GRID2: variants seen among roughly 807,000 people sequenced by gnomAD.
GRID2 encodes glutamate receptor ionotropic, delta-2.
A neutral mutation model predicts 114.8 loss-of-function variants in GRID2; 33 were observed. The observed-to-expected ratio is 0.29, with a 90% CI of 0.22 to 0.38. The LOEUF (loss-of-function observed/expected upper bound fraction) is 0.38. Ranked by LOEUF, GRID2 falls within the 10% of genes least tolerant of loss-of-function variation. GRID2 has a pLI of 1.00. For synonymous variants in GRID2, 505 were observed against 449.9 expected, an observed-to-expected ratio of 1.12 and a Z score of -1.55; for missense variants, 1,184 against 1,257.7, an observed-to-expected ratio of 0.94 and a Z score of 0.89.
intron 1 of GRID2, among the ~76,000 whole-genome samples, chr4:92,442,256 A>G (rs1393189297): frequency 6.6e-6 from 1 of 151,914 alleles, no homozygotes; most frequent in Admixed American, 6.6e-5. Flanking sequence ...AAGATCTGGG[A>G]AGGAGTCAGA....
intron 14 of GRID2, among the ~76,000 whole-genome samples, chr4:93,710,411 T>G (rs753960289): frequency 9.2e-5 from 14 of 152,188 alleles, no homozygotes; most frequent in Admixed American, 1.3e-4. Flanking sequence ...GTTCTCTTCC[T>G]TTACTTTTCG....
At chr4:93,593,302 C>T (rs1432734266) in intron 13 of GRID2, among the ~76,000 whole-genome samples, 1 of 142,708 alleles carries the variant, frequency 7.0e-6, no homozygotes, top group Non-Finnish European at 1.5e-5. Context: ...TTTATTTCTC[C>T]TTCACTTATG....
At chr4:93,655,784 T>C (rs571424292) in intron 14 of GRID2, among the ~76,000 whole-genome samples, 1 of 152,218 alleles carries the variant, frequency 6.6e-6, no homozygotes, top group South Asian at 2.1e-4. Context: ...TTCTTACAAA[T>C]ATTAATGGCT....
chr4:93,203,089 A>T (rs1427277248), intron 4 of GRID2, among the ~76,000 whole-genome samples: 1 of 152,046 alleles, frequency 6.6e-6, no homozygotes, highest in Admixed American at 6.6e-5. Context: ...TATTCCCCTT[A>T]CTAAATGCTC....
At chr4:93,348,160 A>G (rs1760429782) in intron 8 of GRID2, among the ~76,000 whole-genome samples, 1 of 152,132 alleles carries the variant, frequency 6.6e-6, no homozygotes, top group Non-Finnish European at 1.5e-5. Context: ...AAATTTTCTA[A>G]CCATATATCT....
chr4:93,722,828 A>G (rs1270321393), intron 14 of GRID2, among the ~76,000 whole-genome samples: 1 of 152,196 alleles, frequency 6.6e-6, no homozygotes, highest in Non-Finnish European at 1.5e-5. Context: ...AGCCATACCT[A>G]TCTTTCTAAT....
intron 2 of GRID2, among the ~76,000 whole-genome samples, chr4:92,742,000 G>T (rs1030262619): frequency 2.0e-5 from 3 of 152,134 alleles, no homozygotes; most frequent in African/African-American, 7.2e-5. Context: ...TGATGTTACT[G>T]TAGGGTGTTT....
intron 2 of GRID2, among the ~76,000 whole-genome samples, chr4:92,687,178 T>C (rs1733947272): frequency 1.5e-5 from 2 of 135,992 alleles, no homozygotes; most frequent in African/African-American, 5.4e-5. Context: ...TACGGATTTT[T>C]TTGATTTTTT....
At chr4:92,312,718 A>G (rs1725768762) in intron 1 of GRID2, among the ~76,000 whole-genome samples, 1 of 152,216 alleles carries the variant, frequency 6.6e-6, no homozygotes, top group East Asian at 1.9e-4. Context: ...TGAGCTGTAC[A>G]TTTGGGGAAT....
intron 2 of GRID2, among the ~76,000 whole-genome samples, chr4:92,741,529 C>A (rs1736893627): frequency 6.6e-6 from 1 of 152,240 alleles, no homozygotes; most frequent in African/African-American, 2.4e-5. Context: ...CATTGAAAGT[C>A]TTCCTCAATC....
chr4:93,189,229 T>A (rs1352005121), intron 4 of GRID2, among the ~76,000 whole-genome samples: 1 of 152,036 alleles, frequency 6.6e-6, no homozygotes, highest in African/African-American at 2.4e-5. Context: ...GGGTAATTTA[T>A]AAACAATGTA....
At chr4:93,449,833 G>A (rs1182653996) in intron 10 of GRID2, among the ~76,000 whole-genome samples, 1 of 151,936 alleles carries the variant, frequency 6.6e-6, no homozygotes, top group Non-Finnish European at 1.5e-5. Flanking sequence ...CTTCTGAATG[G>A]CTCAAACATG....
At chr4:93,351,721 A>G (rs1014340978) in intron 8 of GRID2, among the ~76,000 whole-genome samples, 6 of 151,716 alleles carry the variant, frequency 4.0e-5, no homozygotes, top group African/African-American at 1.2e-4. Flanking sequence ...TAATGTTATT[A>G]TGTGAATATT....
chr4:92,825,388 C>T (rs1293697913), intron 2 of GRID2, among the ~76,000 whole-genome samples: 1 of 152,086 alleles, frequency 6.6e-6, no homozygotes, highest in African/African-American at 2.4e-5. Flanking sequence ...AGCAGCTCTG[C>T]TTATCAGTTG....
intron 1 of GRID2, among the ~76,000 whole-genome samples, chr4:92,504,310 C>T (rs982914286): frequency 3.9e-5 from 6 of 151,916 alleles, no homozygotes; most frequent in Non-Finnish European, 7.4e-5. Flanking sequence ...GGGAGAAAAA[C>T]CCAAATTCCT....
chr4:92,417,493 CT>C (rs1303640010), intron 1 of GRID2, among the ~76,000 whole-genome samples: 1 of 152,030 alleles, frequency 6.6e-6, no homozygotes, highest in Non-Finnish European at 1.5e-5. Flanking sequence ...CAATTACCCC[CT>C]GAGGAACTAA....
intron 2 of GRID2, among the ~76,000 whole-genome samples, chr4:92,592,472 C>A (rs530553327): frequency 6.6e-6 from 1 of 152,158 alleles, no homozygotes; most frequent in South Asian, 2.1e-4. Flanking sequence ...AAATACTACA[C>A]CTTTTTTTTT....
chr4:93,451,143 A>G (rs1580122614), intron 10 of GRID2, among the ~76,000 whole-genome samples: 2 of 152,200 alleles, frequency 1.3e-5, no homozygotes, highest in Middle Eastern at 6.8e-3. Flanking sequence ...ATGCCAGAAA[A>G]TGTGATATGT....
chr4:93,090,686 C>T (rs556398759), intron 3 of GRID2, among the ~76,000 whole-genome samples: 29 of 152,212 alleles, frequency 1.9e-4, no homozygotes, highest in African/African-American at 7.0e-4. Flanking sequence ...TTTACTTAAA[C>T]AGTTGAAAAT....
Sources: allele counts gnomAD v4.1 joint callset (sites outside exome capture counted in the v4.1 genomes callset), GRCh38; gene constraint gnomAD v4.1.1; transcripts MANE v1.5; gene names NCBI Gene and HGNC (gene_info 2026-07-23, HGNC 2026-07-21).